The following VWA1 variants were observed in gnomAD, a reference collection of about 807,000 sequenced individuals.
The protein encoded by VWA1 is von Willebrand factor A domain containing 1.
Under a neutral mutation model 14.9 loss-of-function variants are expected in VWA1, and 12 were observed. The observed-to-expected ratio is 0.80, with a 90% CI of 0.52 to 1.30. The LOEUF is 1.30. VWA1 is among the 50% of genes most tolerant of loss of function. The probability of loss-of-function intolerance (pLI) is 0.00; values close to 1 mark genes in which losing one functional copy is unlikely to be tolerated. For missense variants in VWA1, 800 were observed against 649.1 expected (o/e 1.23, Z -2.53); for synonymous variants, 368 against 310.7 (o/e 1.18, Z -1.94).
At position 1,442,799 on chromosome 1, in the gene VWA1, G is replaced by A. The variant is rs1053667632; in HGVS notation, c.*3012G>A. On this transcript the variant is annotated 3_prime_UTR_variant, in exon 3 of 3. Transcript: ENST00000476993. ...TGGGGAGTGGGGTGTCCAAGCGTGG[G>A]CCACGCTGCTGGGAGCCACCTAGGG... The A allele has an allele frequency of 6.6e-6, 1 of 152,188 alleles. No homozygotes were observed. The highest frequency in any genetic ancestry group is 6.6e-5 in the Admixed American group (1 of 15,248). The allele number at this position is 152,188 out of a possible 1,614,324, so 9.4% of individuals were successfully genotyped here.
rs773941318 is a variant in VWA1, at chr1:1,439,294, C to T, written c.845C>T (p.Ala282Val). Reference protein sequence around the residue: ...GLDPDTDYDVALVPESNVRLL... With the variant: ...GLDPDTDYDVVLVPESNVRLL... ...GACCCGGACACGGACTACGACGTGG[C>T]GCTAGTGCCTGAGTCCAACGTGCGC... is the stretch of plus-strand genomic sequence containing the variant. The change falls in exon 3 of 3, where the codon GCG becomes GTG. Residue 282 changes from alanine to valine, a missense_variant. Physicochemically the swap from Ala to Val is moderately conservative, Grantham distance 64. Coordinates refer to ENST00000476993, the MANE Select transcript of VWA1 (RefSeq NM_022834.5). The T allele has an allele frequency of 2.0e-5, 32 of 1,599,154 alleles. No individual in the cohort carries two copies. The highest frequency in any genetic ancestry group is 2.7e-5 in the African/African-American group (2 of 74,790).
Position 1,435,695 on chromosome 1 carries a change from C to G in VWA1, c.-54C>G, listed in dbSNP as rs568492558. The stretch of plus-strand genomic sequence containing the variant: ...CGCGCGGTGACGCGCCCTGCAGCCC[C>G]GAGCGAGCGAGCGAGCGAGCGAGTT... On this transcript the variant is annotated 5_prime_UTR_variant, in exon 1 of 3. Transcript: ENST00000476993. 795 of 1,083,766 alleles carry G rather than the reference C, an allele frequency of 7.3e-4. 3 individuals carry two copies. The highest frequency in any genetic ancestry group is 5.5e-3 in the South Asian group (193 of 35,270). The allele number at this position is 1,083,766 out of a possible 1,614,324, so 67.1% of individuals were successfully genotyped here. A position where few individuals can be genotyped will look rare whatever the true frequency, so the allele number is the denominator to read the frequency against.
In VWA1 at chr1:1,440,243, G is replaced by A. The variant is rs1277867362; in HGVS notation, c.*456G>A. On this transcript the variant is annotated 3_prime_UTR_variant, in exon 3 of 3. Coordinates refer to ENST00000476993, the MANE Select transcript of VWA1 (RefSeq NM_022834.5). Reference sequence around the variant, plus strand: ...GGTCAGGTCCGCAAAGGCTTCTGAAGAAGAGGAAGGGCGAGTAGGGGCACC... The same window carrying A: ...GGTCAGGTCCGCAAAGGCTTCTGAAAAAGAGGAAGGGCGAGTAGGGGCACC... The A allele has an allele frequency of 1.2e-5, 2 of 167,040 alleles. No individual in the cohort carries two copies. The highest frequency in any genetic ancestry group is 4.8e-5 in the African/African-American group (2 of 41,472). 10.3% of individuals were successfully genotyped at this position (167,040 alleles called of 1,614,324 possible).
chr1:1,439,658 G>T lies in VWA1; in HGVS notation c.1209G>T (p.Val403=). ...CGGGCACCGCCTACCTGGTGACCGT[G>T]ACCGCCGCCTTCCGCTCGGGCCGCG... ...LAPGTAYLVT[V]TAAFRSGRES... Residue 403 remains valine, a synonymous_variant, in exon 3 of 3, where the codon GTG becomes GTT. Transcript: ENST00000476993. 2 of 1,321,034 alleles carry T rather than the reference G, an allele frequency of 1.5e-6. No individual in the cohort carries two copies. The highest frequency in any genetic ancestry group is 3.0e-5 in the South Asian group (2 of 67,538). The allele number at this position is 1,321,034 out of a possible 1,614,324, so 81.8% of individuals were successfully genotyped here. A position where few individuals can be genotyped will look rare whatever the true frequency, so the allele number is the denominator to read the frequency against.
In VWA1 at chr1:1,439,296, C is replaced by T. The variant is rs1416025362; in HGVS notation, c.847C>T (p.Leu283=). 27 of 1,598,874 alleles carry T rather than the reference C, an allele frequency of 1.7e-5. No individual in the cohort carries two copies. Among genetic ancestry groups the T allele is most frequent in the Non-Finnish European group, 1.9e-5 (22 of 1,176,286 alleles). Residue 283 remains leucine (L), a synonymous_variant, in exon 3 of 3, where the codon CTA becomes TTA. Coordinates refer to ENST00000476993, the MANE Select transcript of VWA1 (RefSeq NM_022834.5). The stretch of plus-strand genomic sequence containing the variant: ...CCCGGACACGGACTACGACGTGGCG[C>T]TAGTGCCTGAGTCCAACGTGCGCCT... ...LDPDTDYDVA[L]VPESNVRLLR...
chr1:1,439,951 C>A lies in VWA1; in HGVS notation c.*164C>A. Reference sequence around the variant, plus strand: ...CTCTCCCTGCGGCCGCAGGGCTTCCCCGCCTGGCGCCTGCCCTCCAGGGCT... The same window carrying A: ...CTCTCCCTGCGGCCGCAGGGCTTCCACGCCTGGCGCCTGCCCTCCAGGGCT... On this transcript the variant is annotated 3_prime_UTR_variant, in exon 3 of 3. Coordinates refer to ENST00000476993, the MANE Select transcript of VWA1 (RefSeq NM_022834.5). 1 of 840,902 alleles carries A rather than the reference C, an allele frequency of 1.2e-6. No individual in the cohort carries two copies. Among genetic ancestry groups the A allele is most frequent in the Non-Finnish European group, 1.5e-6 (1 of 686,470 alleles). The allele number at this position is 840,902 out of a possible 1,614,324, so 52.1% of individuals were successfully genotyped here. A position where few individuals can be genotyped will look rare whatever the true frequency, so the allele number is the denominator to read the frequency against.
intron 1 of VWA1, among the ~76,000 whole-genome samples, chr1:1,436,030 G>A (rs1403142508): frequency 1.3e-5 from 2 of 152,122 alleles, no homozygotes; most frequent in Non-Finnish European, 2.9e-5. Context: ...GAGCGCCGGG[G>A]CATAGGGGCC....
At position 1,439,212 on chromosome 1, in the gene VWA1, G is replaced by T. The variant is rs1176547475; in HGVS notation, c.763G>T (p.Ala255Ser). Residue 255 changes from alanine (A) to serine (S), a missense_variant, in exon 3 of 3, where the codon GCT becomes TCT. By Grantham distance (99) the Ala-to-Ser change is moderately conservative (BLOSUM62 1). Transcript: ENST00000476993. ...GCTGGTGCCCAGCGCCCAGCCGGGG[G>T]CTGCAAGACGCCAGCAGCTGCCAGG... is the stretch of plus-strand genomic sequence containing the variant. ...LELVPSAQPG[A>S]ARRQQLPGNA... 1.9e-6 allele frequency: 3 copies of T among 1,606,844 alleles called. No individual in the cohort carries two copies. The highest frequency in any genetic ancestry group is 1.7e-5 in the Admixed American group (1 of 59,860).
rs763191819 is a variant in VWA1 at position 1,439,631 on chromosome 1, G to C, written c.1182G>C (p.Ala394=). Residue 394 remains alanine, a synonymous_variant, in exon 3 of 3, where the codon GCG becomes GCC. Coordinates refer to ENST00000476993, the MANE Select transcript of VWA1 (RefSeq NM_022834.5). Reference sequence around the variant, plus strand: ...ACTGCACCACGCTGCAGGGCCTGGCGCCGGGCACCGCCTACCTGGTGACCG... The same window carrying C: ...ACTGCACCACGCTGCAGGGCCTGGCCCCGGGCACCGCCTACCTGGTGACCG... ...GRNCTTLQGL[A]PGTAYLVTVT... is the part of the protein sequence containing the mutation. 3.8e-6 allele frequency: 5 copies of C among 1,312,482 alleles called. No homozygotes were observed. The South Asian group carries it at 4.7e-5, about 12-fold the overall frequency. 81.3% of individuals were successfully genotyped at this position (1,312,482 alleles called of 1,614,324 possible).
Position 1,440,288 on chromosome 1 carries a change from G to C in VWA1, c.*501G>C, listed in dbSNP as rs1402834296. On this transcript the variant is annotated 3_prime_UTR_variant, in exon 3 of 3. Transcript: ENST00000476993. The stretch of plus-strand genomic sequence containing the variant: ...GGCACCTGGACGCTGATGGTGGCCA[G>C]GATGCTCAGCTGGCCAGGAGGGCAG... The C allele has an allele frequency of 6.0e-6, 1 of 167,024 alleles. No homozygotes were observed. Among genetic ancestry groups the C allele is most frequent in the Non-Finnish European group, 1.5e-5 (1 of 68,194 alleles). The allele number at this position is 167,024 out of a possible 1,614,324, so 10.3% of individuals were successfully genotyped here. A position where few individuals can be genotyped will look rare whatever the true frequency, so the allele number is the denominator to read the frequency against.
chr1:1,437,546 G>A, intron 2 of VWA1, 62 bp downstream of exon 2: 1 of 1,539,724 alleles, frequency 6.5e-7, no homozygotes, highest in African/African-American at 1.4e-5. Flanking sequence ...GAGAGGCTGG[G>A]TTGAGACTTT....
At chr1:1,438,246 T>C (rs962343047) in intron 2 of VWA1, among the ~76,000 whole-genome samples, 6 of 151,972 alleles carry the variant, frequency 3.9e-5, no homozygotes. Flanking sequence ...CTCCCCAAGG[T>C]TTCCCCAGGG....
intron 2 of VWA1, 110 bp downstream of exon 2, chr1:1,437,594 T>A (rs899744135): frequency 2.7e-5 from 37 of 1,366,420 alleles, no homozygotes; most frequent in Admixed American, 1.4e-4. Context: ...GGCCAGGGCC[T>A]CCGGGGCTGT....
In VWA1 at chr1:1,441,798, C is replaced by T. The variant is rs531657532; in HGVS notation, c.*2011C>T. The T allele has an allele frequency of 2.8e-4, 43 of 152,378 alleles. No homozygotes were observed. Among genetic ancestry groups the T allele is most frequent in the African/African-American group, 1.0e-3 (43 of 41,582 alleles). The allele number at this position is 152,378 out of a possible 1,614,324, so 9.4% of individuals were successfully genotyped here. On this transcript the variant is annotated 3_prime_UTR_variant, in exon 3 of 3. Coordinates refer to ENST00000476993, the MANE Select transcript of VWA1 (RefSeq NM_022834.5). ...GCACCAGGGGCTCATTCCTGGTGGC[C>T]TCAGTGGCTTCTGTGGACGACTCAG...
intron 2 of VWA1, among the ~76,000 whole-genome samples, chr1:1,438,855 C>T (rs1360178324): frequency 1.3e-5 from 2 of 152,240 alleles, no homozygotes; most frequent in African/African-American, 4.8e-5. Flanking sequence ...GCGCTTCTGA[C>T]AGGGCCTGAG....
rs573806868 is a variant in VWA1, at chr1:1,439,133, C to T, written c.684C>T (p.Phe228=). 4.9e-5 allele frequency: 79 copies of T among 1,601,164 alleles called. No individual in the cohort carries two copies. In the East Asian group the frequency reaches 1.7e-3, roughly 35 times the overall value. The part of the protein sequence containing the change: ...LHATEITSSG[F]RLAWPPLLTA... ...CCACGGAGATCACGTCCAGCGGCTT[C>T]CGCCTGGCCTGGCCACCCCTGCTGA... The change falls in exon 3 of 3, where the codon TTC becomes TTT. Residue 228 remains phenylalanine (F), a synonymous_variant. Coordinates refer to ENST00000476993, the MANE Select transcript of VWA1 (RefSeq NM_022834.5).
chr1:1,437,528 C>T (rs201113614), intron 2 of VWA1, 44 bp downstream of exon 2: 22 of 1,560,530 alleles, frequency 1.4e-5, no homozygotes, highest in African/African-American at 1.4e-4. Flanking sequence ...AGCTGGGAGC[C>T]GCAGAAGGAG....
chr1:1,436,245 G>T (rs1272024675), intron 1 of VWA1, among the ~76,000 whole-genome samples: 1 of 152,216 alleles, frequency 6.6e-6, no homozygotes, highest in African/African-American at 2.4e-5. Context: ...TGGCTTGGTG[G>T]GGAGGGGCGG....
Position 1,435,836 on chromosome 1 carries a change from CG to C in VWA1, c.73+17del. On this transcript the variant is annotated intron_variant, in intron 1 of 2. Transcript: ENST00000476993. ...CGCGGAGCGCGGTGAGTGCGGCGGG[CG>C]GCCGGGCCGGGGCTGGGGCTTCTGG... 2 of 1,104,742 alleles carry C rather than the reference CG, an allele frequency of 1.8e-6. No homozygotes were observed. Among genetic ancestry groups the C allele is most frequent in the Non-Finnish European group, 1.1e-6 (1 of 914,376 alleles). 68.4% of individuals were successfully genotyped at this position (1,104,742 alleles called of 1,614,324 possible). A position where few individuals can be genotyped will look rare whatever the true frequency, so the allele number is the denominator to read the frequency against.
Sources: allele counts gnomAD v4.1 joint callset (sites outside exome capture counted in the v4.1 genomes callset), GRCh38; gene constraint gnomAD v4.1.1; transcripts MANE v1.5; gene names NCBI Gene and HGNC (gene_info 2026-07-23, HGNC 2026-07-21).